The following UGT2B17 variants were observed in gnomAD, a reference collection of about 807,000 sequenced individuals.
The protein encoded by UGT2B17 is UDP glucuronosyltransferase family 2 member B17.
A neutral mutation model predicts 48.2 loss-of-function variants in UGT2B17; 21 were observed. That is an observed-to-expected ratio of 0.44 (90% CI 0.31 to 0.63). The LOEUF (loss-of-function observed/expected upper bound fraction) is 0.63. Ranked by LOEUF, UGT2B17 falls within the 20% of genes least tolerant of loss-of-function variation. The probability of loss-of-function intolerance (pLI) is 0.08; values close to 1 mark genes in which losing one functional copy is unlikely to be tolerated. For missense variants in UGT2B17, 402 were observed against 696.1 expected, an observed-to-expected ratio of 0.58 and a Z score of 4.75; for synonymous variants, 146 against 238.4, an observed-to-expected ratio of 0.61 and a Z score of 3.57.
At position 68,545,945 on chromosome 4, in the gene UGT2B17, CA is replaced by C. The variant is rs1236475331; in HGVS notation, c.1313+4731del. On this transcript the variant is annotated intron_variant, in intron 6 of 6. Transcript: ENST00000317746. Reference sequence around the variant, plus strand: ...AGGCAATAATTAATAGCTTACCAACCAAAAAAAGTCCAGGACCAGATGGATT... The same window carrying C: ...AGGCAATAATTAATAGCTTACCAACCAAAAAAGTCCAGGACCAGATGGATT... Among the ~76,000 whole-genome samples the C allele has an allele frequency of 4.8e-5, 6 of 124,870 alleles. 3 individuals are homozygous for C. Among genetic ancestry groups the C allele is most frequent in the Non-Finnish European group, 6.8e-5 (4 of 59,088 alleles). 81.9% of individuals were successfully genotyped at this position (124,870 alleles called of 152,430 possible).
chr4:68,575,338 T>A (rs1200784649), intron 1 of UGT2B17, among the ~76,000 whole-genome samples: 1 of 123,170 alleles, frequency 8.1e-6, no homozygotes. Flanking sequence ...GTGCCTTGGC[T>A]TACAGGTTAC....
chr4:68,554,132 G>T (rs1730962323), intron 4 of UGT2B17, among the ~76,000 whole-genome samples: 1 of 125,856 alleles, frequency 7.9e-6, no homozygotes, highest in African/African-American at 2.7e-5. Flanking sequence ...ACGTAAGAGG[G>T]TGGAAACAAC....
rs1730790408 is a variant in UGT2B17 at position 68,545,752 on chromosome 4, A to G, written c.1313+4925T>C. ...AATGATTAAGGGGGTATCACCACCG[A>G]TTCCAGAGAAATACAAACTACCATC... is the stretch of plus-strand genomic sequence containing the variant. On this transcript the variant is annotated intron_variant, in intron 6 of 6. Coordinates refer to ENST00000317746, the MANE Select transcript of UGT2B17 (RefSeq NM_001077.4). Among the ~76,000 whole-genome samples the G allele has an allele frequency of 1.6e-5, 2 of 126,016 alleles. 1 individual carries two copies. Among genetic ancestry groups the G allele is most frequent in the African/African-American group, 5.4e-5 (2 of 36,936 alleles). 82.7% of individuals were successfully genotyped at this position (126,016 alleles called of 152,430 possible).
At chr4:68,539,728 A>AT (rs1730619286) in intron 6 of UGT2B17, among the ~76,000 whole-genome samples, 2 of 117,466 alleles carry the variant, frequency 1.7e-5, no homozygotes, top group Admixed American at 9.0e-5. Flanking sequence ...TTTACTTAGC[A>AT]TTTTTTTATG....
chr4:68,567,852 C>T lies in UGT2B17; in HGVS notation c.633G>A (p.Arg211=). Residue 211 remains arginine, a synonymous_variant, in exon 2 of 7, where the codon AGG becomes AGA. Coordinates refer to ENST00000317746, the MANE Select transcript of UGT2B17 (RefSeq NM_001077.4). ...AAAGCATATATATCATATTTTTTATCCTCTCCATGAAAATCATTTGATCAC... is the reference window on the plus strand; with the variant it reads ...AAAGCATATATATCATATTTTTTATTCTCTCCATGAAAATCATTTGATCAC... The part of the protein sequence containing the change: ...ELSDQMIFME[R]IKNMIYMLYF... 7.3e-7 allele frequency: 1 copy of T among 1,375,976 alleles called. No individual in the cohort carries two copies. The highest frequency in any genetic ancestry group is 9.5e-7 in the Non-Finnish European group (1 of 1,053,548). 85.2% of individuals were successfully genotyped at this position (1,375,976 alleles called of 1,614,324 possible). A position where few individuals can be genotyped will look rare whatever the true frequency, so the allele number is the denominator to read the frequency against.
chr4:68,575,808 A>G lies in UGT2B17; in HGVS notation c.-65+143T>C, dbSNP rs755031327. Among the ~76,000 whole-genome samples the G allele has an allele frequency of 6.4e-5, 8 of 124,382 alleles. 1 individual carries two copies. The highest frequency in any genetic ancestry group is 1.4e-4 in the Non-Finnish European group (8 of 58,848). The allele number at this position is 124,382 out of a possible 152,430, so 81.6% of individuals were successfully genotyped here. A position where few individuals can be genotyped will look rare whatever the true frequency, so the allele number is the denominator to read the frequency against. On this transcript the variant is annotated intron_variant, in intron 1 of 6. Coordinates refer to ENST00000317746, the MANE Select transcript of UGT2B17 (RefSeq NM_001077.4). ...CTATGCTACACTTCCATTCAGGTGG[A>G]GTGGGGCAAGTTCAAAAGACTAGTC...
rs766966959 is a variant in UGT2B17, at chr4:68,551,880, T to C, written c.1037A>G (p.Asn346Ser). ...VLWRFDGKKP[N>S]TLGSNTRLYK... ...CAGTCGAGTATTGGAACCTAAAGTA[T>C]TTGGCTTCTTGCCATCAAATCTCCA... The change falls in exon 5 of 7, where the codon AAT (asparagine) becomes AGT (serine). Residue 346 changes from asparagine to serine, a missense_variant. Coordinates refer to ENST00000317746, the MANE Select transcript of UGT2B17 (RefSeq NM_001077.4). 1 of 1,365,618 alleles carries C rather than the reference T, an allele frequency of 7.3e-7. No individual in the cohort carries two copies. Among genetic ancestry groups the C allele is most frequent in the South Asian group, 1.7e-5 (1 of 57,984 alleles). 84.6% of individuals were successfully genotyped at this position (1,365,618 alleles called of 1,614,324 possible).
rs186115584 is a variant in UGT2B17, at chr4:68,563,034, C to T, written c.874-2366G>A. Among the ~76,000 whole-genome samples the T allele has an allele frequency of 9.5e-5, 12 of 126,278 alleles. 4 individuals carry two copies. Among genetic ancestry groups the T allele is most frequent in the Non-Finnish European group, 1.0e-4 (6 of 59,640 alleles). 82.8% of individuals were successfully genotyped at this position (126,278 alleles called of 152,430 possible). Reference sequence around the variant, plus strand: ...TTGAATTATTTCCAGAGTTTTTTAACGAATATTTGCTACTAATATTGAATC... The same window carrying T: ...TTGAATTATTTCCAGAGTTTTTTAATGAATATTTGCTACTAATATTGAATC... On this transcript the variant is annotated intron_variant, in intron 3 of 6. Transcript: ENST00000317746.
Position 68,556,330 on chromosome 4 carries a change from C to A in UGT2B17, c.1005+4207G>T, listed in dbSNP as rs185407600. ...CTCACTGTTTTTGGTTTTCTCTCCC[C>A]TTTTAAAGGGTGTGAAATAGTAACA... On this transcript the variant is annotated intron_variant, in intron 4 of 6. Coordinates refer to ENST00000317746, the MANE Select transcript of UGT2B17 (RefSeq NM_001077.4). Among the ~76,000 whole-genome samples the A allele has an allele frequency of 2.5e-5, 3 of 122,426 alleles. 1 individual carries two copies. The highest frequency in any genetic ancestry group is 5.2e-5 in the Non-Finnish European group (3 of 58,128). The allele number at this position is 122,426 out of a possible 152,430, so 80.3% of individuals were successfully genotyped here.
In UGT2B17 at chr4:68,567,736, A is replaced by G; in HGVS notation, c.724+25T>C. 2.4e-6 allele frequency: 3 copies of G among 1,272,386 alleles called. 1 individual carries two copies. Among genetic ancestry groups the G allele is most frequent in the Non-Finnish European group, 3.0e-6 (3 of 999,896 alleles). 78.8% of individuals were successfully genotyped at this position (1,272,386 alleles called of 1,614,324 possible). A position where few individuals can be genotyped will look rare whatever the true frequency, so the allele number is the denominator to read the frequency against. On this transcript the variant is annotated intron_variant, in intron 2 of 6. Transcript: ENST00000317746. The stretch of plus-strand genomic sequence containing the variant: ...GGCACAGGAAAATTAGAACTTAATA[A>G]ACACCAATTGGACACACGACTTACC...
rs1252798464 is a variant in UGT2B17 at position 68,556,928 on chromosome 4, G to GT, written c.1005+3608dup. Among the ~76,000 whole-genome samples the GT allele has an allele frequency of 1.0e-4, 13 of 124,694 alleles. 4 individuals carry two copies. The highest frequency in any genetic ancestry group is 7.4e-4 in the South Asian group (2 of 2,700). 81.8% of individuals were successfully genotyped at this position (124,694 alleles called of 152,430 possible). A position where few individuals can be genotyped will look rare whatever the true frequency, so the allele number is the denominator to read the frequency against. On this transcript the variant is annotated intron_variant, in intron 4 of 6. Coordinates refer to ENST00000317746, the MANE Select transcript of UGT2B17 (RefSeq NM_001077.4). The stretch of plus-strand genomic sequence containing the variant: ...TATTTGACAAATTTTCCAAAATTAT[G>GT]TTTTTTTCTGACCTAAGTAATCCTT...
Position 68,567,867 on chromosome 4 carries a change from C to T in UGT2B17, c.618G>A (p.Met206Ile). The part of the protein sequence containing the change: ...PVVMSELSDQ[M>I]IFMERIKNMI... ...TATTTTTTATCCTCTCCATGAAAAT[C>T]ATTTGATCACTTAATTCTGACATAA... The change falls in exon 2 of 7, where the codon ATG becomes ATA. Residue 206 changes from methionine to isoleucine, a missense_variant. Around this residue, in one of 5 missense-constraint regions of UGT2B17, gnomAD observed 106 missense variants for 169.8 expected, o/e 0.62. Transcript: ENST00000317746. The T allele has an allele frequency of 1.5e-6, 2 of 1,376,762 alleles. 1 individual carries two copies. Among genetic ancestry groups the T allele is most frequent in the Non-Finnish European group, 1.9e-6 (2 of 1,054,094 alleles). The allele number at this position is 1,376,762 out of a possible 1,614,324, so 85.3% of individuals were successfully genotyped here.
At chr4:68,561,479 T>A (rs138124615) in intron 3 of UGT2B17, among the ~76,000 whole-genome samples, 1,545 of 124,458 alleles carry the variant, frequency 0.012, 301 homozygotes, top group African/African-American at 0.04. Context: ...CTATGATACC[T>A]TTTGTCCTGA....
chr4:68,567,778 A>T lies in UGT2B17; in HGVS notation c.707T>A (p.Phe236Tyr). 1.5e-6 allele frequency: 2 copies of T among 1,347,302 alleles called. 1 individual carries two copies. Among genetic ancestry groups the T allele is most frequent in the Non-Finnish European group, 1.9e-6 (2 of 1,042,668 alleles). The allele number at this position is 1,347,302 out of a possible 1,614,324, so 83.5% of individuals were successfully genotyped here. A position where few individuals can be genotyped will look rare whatever the true frequency, so the allele number is the denominator to read the frequency against. ...QAYDLKKWDQ[F>Y]YSEVLGRPTT... ...CGACTTACCTAGAACTTCACTATAA[A>T]ACTGGTCCCACTTCTTCAGATCATA... The change falls in exon 2 of 7, where the codon TTT becomes TAT. Residue 236 changes from phenylalanine (F) to tyrosine (Y), a missense_variant. By Grantham distance (22) the Phe-to-Tyr change is conservative. Transcript: ENST00000317746.
rs1413452406 is a variant in UGT2B17, at chr4:68,564,290, A to ATTTTTTT, written c.873+1281_873+1282insAAAAAAA. Among the ~76,000 whole-genome samples the ATTTTTTT allele has an allele frequency of 4.5e-4, 40 of 89,618 alleles. 3 individuals carry two copies. Among genetic ancestry groups the ATTTTTTT allele is most frequent in the African/African-American group, 2.3e-3 (40 of 17,406 alleles). 58.8% of individuals were successfully genotyped at this position (89,618 alleles called of 152,430 possible). On this transcript the variant is annotated intron_variant, in intron 3 of 6. Coordinates refer to ENST00000317746, the MANE Select transcript of UGT2B17 (RefSeq NM_001077.4). ...TCAAATTTCATATATATATATATATATATATTTTTTTTTTTTGAGACAGAG... is the reference window on the plus strand; with the variant it reads ...TCAAATTTCATATATATATATATATATTTTTTTTATATTTTTTTTTTTTGAGACAGAG...
intron 2 of UGT2B17, among the ~76,000 whole-genome samples, chr4:68,565,995 ATTTAATT>A (rs1263296172): frequency 8.4e-6 from 1 of 118,644 alleles, no homozygotes; most frequent in African/African-American, 2.8e-5. Flanking sequence ...ATTTAATAGT[ATTTAATT>A]TTTAATTTTT....
chr4:68,545,313 T>C (rs371130319), intron 6 of UGT2B17, among the ~76,000 whole-genome samples: 3 of 125,930 alleles, frequency 2.4e-5, no homozygotes, highest in African/African-American at 8.1e-5. Flanking sequence ...ACAACCTGCT[T>C]CTGAATGACT....
intron 6 of UGT2B17, 132 bp downstream of exon 6, chr4:68,550,545 G>A (rs1730895057): frequency 1.5e-6 from 1 of 680,906 alleles, no homozygotes; most frequent in African/African-American, 1.9e-5. Context: ...TGGAAAATAA[G>A]AGCAGATTTT....
rs1322282948 is a variant in UGT2B17 at position 68,539,604 on chromosome 4, T to G, written c.1314-1700A>C. ...TTTTGACTGAATTTTTTAAAAAATA[T>G]TTTTTATTTTAAAGAATCAGAGATT... On this transcript the variant is annotated intron_variant, in intron 6 of 6. Transcript: ENST00000317746. 3.2e-5 allele frequency among the ~76,000 whole-genome samples: 4 copies of G among 123,990 alleles called. 2 individuals carry two copies. The highest frequency in any genetic ancestry group is 3.4e-5 in the Non-Finnish European group (2 of 59,168). The allele number at this position is 123,990 out of a possible 152,430, so 81.3% of individuals were successfully genotyped here. A position where few individuals can be genotyped will look rare whatever the true frequency, so the allele number is the denominator to read the frequency against.
Sources: gnomAD v4.1 joint callset for allele counts (sites outside exome capture counted in the v4.1 genomes callset) on GRCh38, gnomAD v4.1.1 for gene constraint, gnomAD v4.1.1 regional missense constraint, MANE v1.5 for transcripts, NCBI Gene and HGNC (gene_info 2026-07-23, HGNC 2026-07-21) for gene names.